PRKD1: variants seen among roughly 807,000 people sequenced by gnomAD.
The protein encoded by PRKD1 is protein kinase D1, also known as serine/threonine-protein kinase D1.
PRKD1 carries 63 observed loss-of-function variants against 95.9 expected under a neutral mutation model. The observed-to-expected ratio is 0.66, with a 90% CI of 0.54 to 0.81. The LOEUF is 0.81. Ranked by LOEUF, PRKD1 falls within the 30% of genes least tolerant of loss-of-function variation. PRKD1 has a pLI of 0.00. For missense variants in PRKD1, 1,048 were observed against 1,165.3 expected, an observed-to-expected ratio of 0.90 and a Z score of 1.47; for synonymous variants, 425 against 423.1, an observed-to-expected ratio of 1.00 and a Z score of -0.05.
intron 11 of PRKD1, among the ~76,000 whole-genome samples, chr14:29,627,721 A>C (rs1446365525): frequency 1.3e-5 from 2 of 151,964 alleles, no homozygotes; most frequent in Non-Finnish European, 2.9e-5. Context: ...CTTTAATATC[A>C]AATCCCACCC....
rs1253013215 is a variant in PRKD1 at position 29,738,746 on chromosome 14, CTTCT to C, written c.265-13076_265-13073del. Among the ~76,000 whole-genome samples the C allele has an allele frequency of 3.2e-3, 483 of 151,798 alleles. 2 individuals are homozygous for C. Among genetic ancestry groups the C allele is most frequent in the African/African-American group, 0.011 (449 of 41,454 alleles). On this transcript the variant is annotated intron_variant, in intron 1 of 17. Coordinates refer to ENST00000331968, the MANE Select transcript of PRKD1 (RefSeq NM_002742.3). ...AACCTTCTGCTCCACAAGCCCAATG[CTTCT>C]TTCTTTCTTTCCTTCCTTCCTTCCT...
chr14:29,668,112 T>C (rs1018885948), intron 2 of PRKD1, among the ~76,000 whole-genome samples: 1 of 152,166 alleles, frequency 6.6e-6, no homozygotes, highest in Non-Finnish European at 1.5e-5. Flanking sequence ...TTACATCCAT[T>C]TGAAATCAAA....
intron 16 of PRKD1, among the ~76,000 whole-genome samples, chr14:29,585,001 G>C (rs368620016): frequency 6.6e-6 from 1 of 152,002 alleles, no homozygotes; most frequent in African/African-American, 2.4e-5. Flanking sequence ...CAATCATTCT[G>C]GTGATAGAGC....
chr14:29,665,877 C>A lies in PRKD1; in HGVS notation c.535+200G>T, dbSNP rs544982226. Reference sequence around the variant, plus strand: ...ACAAAAAAACCTATATTTTCTCAACCAAACGAGTGGATGAAGAAAATGTAT... The same window carrying A: ...ACAAAAAAACCTATATTTTCTCAACAAAACGAGTGGATGAAGAAAATGTAT... On this transcript the variant is annotated intron_variant, in intron 3 of 17. Coordinates refer to ENST00000331968, the MANE Select transcript of PRKD1 (RefSeq NM_002742.3). Among the ~76,000 whole-genome samples the A allele has an allele frequency of 1.2e-3, 189 of 152,066 alleles. 3 individuals carry two copies. In the South Asian group the frequency reaches 0.023, roughly 19 times the overall value.
At chr14:29,899,112 A>C (rs1262116209) in intron 1 of PRKD1, among the ~76,000 whole-genome samples, 1 of 152,228 alleles carries the variant, frequency 6.6e-6, no homozygotes, top group East Asian at 1.9e-4. Flanking sequence ...CAATTCACTA[A>C]GAATCAATAC....
intron 7 of PRKD1, among the ~76,000 whole-genome samples, chr14:29,634,861 G>C (rs138052913): frequency 6.6e-6 from 1 of 152,028 alleles, no homozygotes; most frequent in Admixed American, 6.6e-5. Flanking sequence ...GTGAAACCCC[G>C]TCTCTACTAA....
In PRKD1 at chr14:29,927,673, A is replaced by T. The variant is rs576762645; in HGVS notation, c.-161T>A. 6.2e-5 allele frequency: 12 copies of T among 192,174 alleles called. No homozygotes were observed. The highest frequency in any genetic ancestry group is 8.3e-5 in the Non-Finnish European group (9 of 108,344). The allele number at this position is 192,174 out of a possible 1,614,324, so 11.9% of individuals were successfully genotyped here. ...CCCTGGGCTGGGGGAGGGCAAGGGG[A>T]TGAGGATCGGGAGGGGAGGGGACTA... On this transcript the variant is annotated 5_prime_UTR_variant, in exon 1 of 18. Transcript: ENST00000331968.
intron 16 of PRKD1, among the ~76,000 whole-genome samples, chr14:29,590,866 C>T (rs998398251): frequency 6.6e-6 from 1 of 152,140 alleles, no homozygotes; most frequent in Non-Finnish European, 1.5e-5. Flanking sequence ...GCACCCTCTG[C>T]CTCCTGGGTT....
chr14:29,899,581 C>A (rs143828234), intron 1 of PRKD1, among the ~76,000 whole-genome samples: 9,890 of 152,140 alleles, frequency 0.065, 398 homozygotes, highest in South Asian at 0.11. Context: ...CAGGAGGTGG[C>A]GGTTGCAGTG....
chr14:29,633,123 T>G (rs1447284090), intron 8 of PRKD1, among the ~76,000 whole-genome samples, 177 bp from the exon 9 acceptor site: 1 of 152,162 alleles, frequency 6.6e-6, no homozygotes, highest in Non-Finnish European at 1.5e-5. Flanking sequence ...ATTTAGCACA[T>G]GTCTGATAAG....
intron 16 of PRKD1, among the ~76,000 whole-genome samples, chr14:29,588,460 C>CA (rs914445586): frequency 1.3e-4 from 20 of 152,164 alleles, no homozygotes; most frequent in African/African-American, 4.8e-4. Context: ...AGTTGAATGG[C>CA]AAAAATATCT....
chr14:29,854,072 G>C (rs1357064773), intron 1 of PRKD1, among the ~76,000 whole-genome samples: 1 of 152,184 alleles, frequency 6.6e-6, no homozygotes, highest in Non-Finnish European at 1.5e-5. Flanking sequence ...CAGTAAATTG[G>C]TACTAATACA....
At chr14:29,885,500 A>C (rs1893669726) in intron 1 of PRKD1, among the ~76,000 whole-genome samples, 1 of 152,104 alleles carries the variant, frequency 6.6e-6, no homozygotes, top group Non-Finnish European at 1.5e-5. Context: ...AGTACATGTC[A>C]TATACCACTT....
chr14:29,888,267 G>A (rs1304609192), intron 1 of PRKD1, among the ~76,000 whole-genome samples: 1 of 151,878 alleles, frequency 6.6e-6, no homozygotes, highest in Non-Finnish European at 1.5e-5. Flanking sequence ...ACTCCAGCCT[G>A]GGTGACAGAG....
chr14:29,907,197 C>A (rs1364617122), intron 1 of PRKD1, among the ~76,000 whole-genome samples: 1 of 152,112 alleles, frequency 6.6e-6, no homozygotes, highest in Non-Finnish European at 1.5e-5. Flanking sequence ...TCCCCAGAAG[C>A]GACCCAAATC....
intron 1 of PRKD1, among the ~76,000 whole-genome samples, chr14:29,754,073 T>C (rs1225337649): frequency 6.6e-6 from 1 of 152,182 alleles, no homozygotes; most frequent in Non-Finnish European, 1.5e-5. Flanking sequence ...AATACAAAAC[T>C]CTTTGCCAAC....
chr14:29,636,153 AG>A, intron 7 of PRKD1, 136 bp downstream of exon 7: 1 of 1,040,854 alleles, frequency 9.6e-7, no homozygotes, highest in East Asian at 2.5e-5. Context: ...TCTCATTTAC[AG>A]CACGCAGTTC....
intron 1 of PRKD1, among the ~76,000 whole-genome samples, chr14:29,924,427 T>G (rs1895227646): frequency 6.6e-6 from 1 of 152,214 alleles, no homozygotes; most frequent in South Asian, 2.1e-4. Flanking sequence ...TCAGGGAAAC[T>G]TATGCAGCCT....
At chr14:29,869,676 T>C (rs1893035494) in intron 1 of PRKD1, among the ~76,000 whole-genome samples, 2 of 152,188 alleles carry the variant, frequency 1.3e-5, no homozygotes, top group Admixed American at 1.3e-4. Context: ...TTGGGGACTT[T>C]ACTGTGTGCC....
Sources: allele counts gnomAD v4.1 joint callset (sites outside exome capture counted in the v4.1 genomes callset), GRCh38; gene constraint gnomAD v4.1.1; transcripts MANE v1.5; gene names NCBI Gene and HGNC (gene_info 2026-07-23, HGNC 2026-07-21).